CLTCL1: variants seen among roughly 807,000 people sequenced by gnomAD.
The protein encoded by CLTCL1 is clathrin heavy chain like 1, also known as clathrin heavy chain 2.
In CLTCL1, 159 loss-of-function variants were observed where a neutral mutation model predicts 190.0. The ratio of observed to expected loss-of-function variants is 0.84; its 90% CI spans 0.74 to 0.95. The LOEUF (loss-of-function observed/expected upper bound fraction) is 0.95, where lower values mean the gene tolerates loss of function less well. Among genes scored for constraint, CLTCL1 ranks in the 40% least tolerant of loss-of-function variants. CLTCL1 has a pLI of 0.00. For missense variants in CLTCL1, 1,878 were observed against 2,033.4 expected (o/e 0.92, Z 1.47); for synonymous variants, 752 against 769.6 (o/e 0.98, Z 0.38).
Position 19,233,270 on chromosome 22 carries a change from TGGGGTCAG to T in CLTCL1, c.1409_1416del (p.Thr470AsnfsTer75). On this transcript the variant is annotated frameshift_variant, in exon 9 of 33. Coordinates refer to ENST00000427926, the MANE Select transcript of CLTCL1 (RefSeq NM_007098.4). LOFTEE classifies it high-confidence loss of function. ...CGAAGGTACACACTCAGAGCGAGCA[TGGGGTCAG>T]TGGTTTTGACCAAGTCTCCGAGCTC... is the stretch of plus-strand genomic sequence containing the variant. 6.2e-7 allele frequency: 1 copy of T among 1,613,912 alleles called. No individual in the cohort carries two copies. Among genetic ancestry groups the T allele is most frequent in the Non-Finnish European group, 8.5e-7 (1 of 1,179,756 alleles).
chr22:19,233,664 A>G, intron 7 of CLTCL1, 42 bp from the exon 8 acceptor site: 3 of 1,576,102 alleles, frequency 1.9e-6, no homozygotes, highest in Non-Finnish European at 2.6e-6. Flanking sequence ...TTGTAATCAC[A>G]GGGGATCCCT....
At chr22:19,221,253 TA>T in intron 17 of CLTCL1, 123 bp downstream of exon 17, 1 of 714,568 alleles carries the variant, frequency 1.4e-6, no homozygotes, top group Non-Finnish European at 2.3e-6. Context: ...CACAAGGAAA[TA>T]ATCTCATGAC....
At chr22:19,249,705 G>GA (rs1299999609) in intron 3 of CLTCL1, among the ~76,000 whole-genome samples, 2 of 149,680 alleles carry the variant, frequency 1.3e-5, no homozygotes, top group Admixed American at 6.7e-5. Context: ...CAAAAGAAAA[G>GA]AAAAAAAAAG....
intron 3 of CLTCL1, among the ~76,000 whole-genome samples, chr22:19,251,660 G>C (rs2086595781): frequency 1.3e-5 from 2 of 151,996 alleles, no homozygotes; most frequent in African/African-American, 4.8e-5. Flanking sequence ...GTTTCACCGT[G>C]TTAGCCAGGA....
chr22:19,288,463 G>A (rs1230546964), intron 1 of CLTCL1, among the ~76,000 whole-genome samples: 1 of 152,160 alleles, frequency 6.6e-6, no homozygotes, highest in Non-Finnish European at 1.5e-5. Context: ...ATTGTTTAAT[G>A]CTTTACATTT....
chr22:19,265,939 C>A (rs577242606), intron 2 of CLTCL1, among the ~76,000 whole-genome samples: 132 of 152,338 alleles, frequency 8.7e-4, no homozygotes, highest in African/African-American at 2.8e-3. Flanking sequence ...ATGGCACTAT[C>A]CCAGCTCACT....
intron 1 of CLTCL1, 114 bp downstream of exon 1, chr22:19,291,486 G>T (rs145091034): frequency 0.065 from 67,541 of 1,043,878 alleles, 4,688 homozygotes; most frequent in African/African-American, 0.33. Flanking sequence ...TCGGAAATCG[G>T]CGCGGCCAGC....
Position 19,233,499 on chromosome 22 carries a change from C to T in CLTCL1, c.1291G>A (p.Glu431Lys). ...LLDQGQLNKL[E>K]SLELCHLVLQ... is the part of the protein sequence containing the mutation. ...ACCAGATGGCAAAGTTCTAAGGATT[C>T]AAGTTTATTGAGCTGACCCTGGTCG... The change falls in exon 8 of 33, where the codon GAA (glutamate) becomes AAA (lysine). Residue 431 changes from glutamate (E) to lysine (K), a missense_variant. Transcript: ENST00000427926. The T allele has an allele frequency of 6.2e-7, 1 of 1,613,938 alleles. No individual in the cohort carries two copies. Among genetic ancestry groups the T allele is most frequent in the Non-Finnish European group, 8.5e-7 (1 of 1,179,874 alleles).
intron 3 of CLTCL1, among the ~76,000 whole-genome samples, chr22:19,251,190 T>TTTTTTTTTTGAG (rs2086578832): frequency 6.6e-6 from 1 of 151,472 alleles, no homozygotes; most frequent in African/African-American, 2.4e-5. Context: ...TTGCACTTTT[T>TTTTTTTTTTGAG]AAATTAAATT....
At chr22:19,225,725 G>C in intron 12 of CLTCL1, 92 bp from the exon 13 acceptor site, 1 of 1,184,938 alleles carries the variant, frequency 8.4e-7, no homozygotes, top group South Asian at 1.7e-5. Flanking sequence ...CTGTTCCCCT[G>C]AGTGTCAAAA....
At chr22:19,264,462 A>C (rs924749796) in intron 2 of CLTCL1, among the ~76,000 whole-genome samples, 6 of 152,170 alleles carry the variant, frequency 3.9e-5, no homozygotes, top group African/African-American at 1.4e-4. Flanking sequence ...AGGATTAAAA[A>C]CAGGTTCCCC....
chr22:19,275,949 C>G (rs1160418203), intron 1 of CLTCL1, 119 bp from the exon 2 acceptor site: 4 of 691,392 alleles, frequency 5.8e-6, no homozygotes, highest in Non-Finnish European at 9.0e-6. Flanking sequence ...TAGGTAAACA[C>G]TTGAAGGAAA....
At chr22:19,224,785 G>A (rs1302171059) in intron 13 of CLTCL1, among the ~76,000 whole-genome samples, 4 of 152,176 alleles carry the variant, frequency 2.6e-5, no homozygotes, top group African/African-American at 7.2e-5. Context: ...GAGAAGGCCA[G>A]TTCCCTGAGG....
Position 19,233,748 on chromosome 22 carries a change from A to T in CLTCL1, c.1168-126T>A, listed in dbSNP as rs2085991001. The T allele has an allele frequency of 4.0e-5, 32 of 808,222 alleles. 3 individuals are homozygous for T. In the South Asian group the frequency reaches 5.8e-4, roughly 15 times the overall value. The allele number at this position is 808,222 out of a possible 1,614,324, so 50.1% of individuals were successfully genotyped here. A position where few individuals can be genotyped will look rare whatever the true frequency, so the allele number is the denominator to read the frequency against. On this transcript the variant is annotated intron_variant, in intron 7 of 32. Transcript: ENST00000427926. ...CCACACTGCTCTGTCATAGACAAAAAGTCCTCTACCAAGGCAACTGCTTCT... is the reference window on the plus strand; with the variant it reads ...CCACACTGCTCTGTCATAGACAAAATGTCCTCTACCAAGGCAACTGCTTCT...
Position 19,275,970 on chromosome 22 carries a change from CTTT to C in CLTCL1, c.43-143_43-141del, listed in dbSNP as rs2087487703. 4.3e-6 allele frequency: 3 copies of C among 704,734 alleles called. No individual in the cohort carries two copies. In the African/African-American group the frequency reaches 5.4e-5, roughly 13 times the overall value. The allele number at this position is 704,734 out of a possible 1,614,324, so 43.7% of individuals were successfully genotyped here. A position where few individuals can be genotyped will look rare whatever the true frequency, so the allele number is the denominator to read the frequency against. On this transcript the variant is annotated intron_variant, in intron 1 of 32. Transcript: ENST00000427926. ...AACACTTGAAGGAAACATTAGCTTG[CTTT>C]TCTACGCCTGTAATAGATCCACCCA...
intron 2 of CLTCL1, among the ~76,000 whole-genome samples, chr22:19,270,410 G>C (rs782279621): frequency 6.6e-6 from 1 of 151,986 alleles, no homozygotes; most frequent in Non-Finnish European, 1.5e-5. Context: ...ACAACTCTAT[G>C]AATTCACTAA....
intron 3 of CLTCL1, among the ~76,000 whole-genome samples, chr22:19,246,605 T>C (rs1377712410): frequency 6.6e-6 from 1 of 151,896 alleles, no homozygotes; most frequent in African/African-American, 2.4e-5. Flanking sequence ...GCCTCCGGAG[T>C]AGCTGGGATT....
intron 2 of CLTCL1, among the ~76,000 whole-genome samples, chr22:19,273,824 T>G (rs1288841181): frequency 6.6e-6 from 1 of 152,068 alleles, no homozygotes; most frequent in Non-Finnish European, 1.5e-5. Context: ...GCCCAAATCC[T>G]ATAAAAGGCT....
chr22:19,255,464 G>C (rs1239744789), intron 2 of CLTCL1, among the ~76,000 whole-genome samples: 3 of 152,082 alleles, frequency 2.0e-5, no homozygotes, highest in African/African-American at 7.2e-5. Flanking sequence ...TTGAGAGGCT[G>C]AGGCAGGAGA....
Sources: allele counts gnomAD v4.1 joint callset (sites outside exome capture counted in the v4.1 genomes callset), GRCh38; gene constraint gnomAD v4.1.1; transcripts MANE v1.5; gene names NCBI Gene and HGNC (gene_info 2026-07-23, HGNC 2026-07-21).